Variants in DDX10 observed in about 807,000 individuals in gnomAD.
DDX10 encodes DEAD-box helicase 10.
In DDX10, 74 loss-of-function variants were observed where a neutral mutation model predicts 104.3. The observed-to-expected ratio is 0.71, with a 90% CI of 0.59 to 0.86. The LOEUF (loss-of-function observed/expected upper bound fraction) is 0.86. Among genes scored for constraint, DDX10 ranks in the 40% least tolerant of loss-of-function variants. The probability of loss-of-function intolerance (pLI) is 0.00; values close to 1 mark genes in which losing one functional copy is unlikely to be tolerated. For missense variants in DDX10, 952 were observed against 1,040.0 expected (o/e 0.92, Z 1.16); for synonymous variants, 351 against 353.4 (o/e 0.99, Z 0.08).
chr11:108,787,660 C>T (rs1002836996), intron 13 of DDX10, among the ~76,000 whole-genome samples: 2 of 152,038 alleles, frequency 1.3e-5, no homozygotes, highest in Admixed American at 6.6e-5. Flanking sequence ...GGGCTGGGTG[C>T]GATGGCTCAC....
intron 13 of DDX10, among the ~76,000 whole-genome samples, chr11:108,756,091 G>A (rs1255160507): frequency 3.3e-5 from 5 of 151,846 alleles, no homozygotes; most frequent in Non-Finnish European, 7.4e-5. Context: ...TTAGCTTCTG[G>A]CTATACTGAT....
At chr11:108,831,241 A>C (rs774665024) in intron 13 of DDX10, among the ~76,000 whole-genome samples, 15 of 151,870 alleles carry the variant, frequency 9.9e-5, no homozygotes, top group Non-Finnish European at 2.1e-4. Context: ...CCATCTCTAC[A>C]AAAAATATAA....
intron 16 of DDX10, among the ~76,000 whole-genome samples, chr11:108,852,446 A>G (rs1183248108): frequency 6.6e-6 from 1 of 152,174 alleles, no homozygotes; most frequent in Non-Finnish European, 1.5e-5. Context: ...AATCCCTAAG[A>G]TAATTTGTTA....
At chr11:108,745,326 C>G (rs1051292568) in intron 13 of DDX10, among the ~76,000 whole-genome samples, 7 of 150,998 alleles carry the variant, frequency 4.6e-5, no homozygotes, top group African/African-American at 1.7e-4. Context: ...GATCATGGCT[C>G]ACTGCAGCCT....
In DDX10 at chr11:108,835,773, G is replaced by C. The variant is rs574432785; in HGVS notation, c.1966-2673G>C. 2.0e-5 allele frequency among the ~76,000 whole-genome samples: 3 copies of C among 151,924 alleles called. No individual in the cohort carries two copies. The East Asian group carries it at 5.8e-4, about 29-fold the overall frequency. On this transcript the variant is annotated intron_variant, in intron 13 of 17. Transcript: ENST00000322536. ...CTGAGGTGAATTGGCACCCTGTGCA[G>C]ATGAAGGGATAGTCCCTGCTTGGCC...
chr11:108,673,608 C>A, intron 2 of DDX10, 81 bp downstream of exon 2: 2 of 1,073,828 alleles, frequency 1.9e-6, no homozygotes, highest in Non-Finnish European at 2.8e-6. Context: ...GAGGGTTTAG[C>A]CTGAAAAATC....
chr11:108,930,500 G>T (rs1003783171), intron 17 of DDX10, among the ~76,000 whole-genome samples: 8 of 152,018 alleles, frequency 5.3e-5, no homozygotes, highest in African/African-American at 1.4e-4. Context: ...AGCTCCTTTG[G>T]GTAAATATCA....
intron 13 of DDX10, among the ~76,000 whole-genome samples, chr11:108,726,322 G>A (rs923358081): frequency 6.6e-6 from 1 of 152,040 alleles, no homozygotes. Context: ...TCTAACTGGA[G>A]AGAATTGACA....
At chr11:108,782,227 C>G (rs942444581) in intron 13 of DDX10, among the ~76,000 whole-genome samples, 6 of 152,084 alleles carry the variant, frequency 3.9e-5, no homozygotes, top group Admixed American at 3.9e-4. Context: ...ATTGTAGTTC[C>G]CACAGGCAGT....
intron 13 of DDX10, among the ~76,000 whole-genome samples, chr11:108,801,335 G>C (rs1334135996): frequency 6.6e-6 from 1 of 152,064 alleles, no homozygotes; most frequent in East Asian, 1.9e-4. Flanking sequence ...CTATTCTGTT[G>C]GCTTGTCTTT....
intron 1 of DDX10, among the ~76,000 whole-genome samples, chr11:108,670,289 C>T (rs966161939): frequency 6.6e-6 from 1 of 151,756 alleles, no homozygotes; most frequent in Non-Finnish European, 1.5e-5. Context: ...GTTACAGGCA[C>T]AGGAGGGGGA....
At chr11:108,816,714 G>A (rs768135589) in intron 13 of DDX10, among the ~76,000 whole-genome samples, 13 of 151,938 alleles carry the variant, frequency 8.6e-5, no homozygotes, top group East Asian at 1.9e-4. Context: ...CACCAGGCCC[G>A]GCTAATTTTT....
chr11:108,841,895 C>T (rs558423090), intron 15 of DDX10, among the ~76,000 whole-genome samples: 3 of 152,216 alleles, frequency 2.0e-5, no homozygotes, highest in Non-Finnish European at 2.9e-5. Context: ...CAGCATTATT[C>T]TATGGAGACA....
At chr11:108,741,572 G>A (rs2094325267) in intron 13 of DDX10, among the ~76,000 whole-genome samples, 1 of 152,032 alleles carries the variant, frequency 6.6e-6, no homozygotes, top group African/African-American at 2.4e-5. Flanking sequence ...TGTTTTGGAC[G>A]GGATTGCATT....
rs138345098 is a variant in DDX10 at position 108,674,703 on chromosome 11, G to T, written c.248-893G>T. 2.6e-5 allele frequency among the ~76,000 whole-genome samples: 4 copies of T among 152,236 alleles called. No individual in the cohort carries two copies. In the East Asian group the frequency reaches 7.7e-4, roughly 29 times the overall value. ...TTTTTAAAAATTTTTGGTAGAGATA[G>T]AGTTTTGCCATGTTGCCCAGGCTAG... is the stretch of plus-strand genomic sequence containing the variant. On this transcript the variant is annotated intron_variant, in intron 2 of 17. Transcript: ENST00000322536.
At chr11:108,665,746 A>G (rs1451476320) in intron 1 of DDX10, among the ~76,000 whole-genome samples, 1 of 152,152 alleles carries the variant, frequency 6.6e-6, no homozygotes, top group African/African-American at 2.4e-5. Flanking sequence ...TGAGGTTCTA[A>G]GAGGAATGAA....
At chr11:108,684,279 T>C (rs1237086068) in intron 6 of DDX10, among the ~76,000 whole-genome samples, 1 of 150,350 alleles carries the variant, frequency 6.7e-6, no homozygotes, top group East Asian at 2.0e-4. Context: ...GCCATGCTGG[T>C]GCGCTGCACC....
chr11:108,794,308 A>G (rs1341695968), intron 13 of DDX10, among the ~76,000 whole-genome samples: 2 of 152,052 alleles, frequency 1.3e-5, no homozygotes, highest in East Asian at 1.9e-4. Context: ...GAATTTTCAC[A>G]TTGACAGTTA....
chr11:108,709,788 C>G lies in DDX10; in HGVS notation c.1322+2951C>G, dbSNP rs76019894. 2.5e-3 allele frequency among the ~76,000 whole-genome samples: 384 copies of G among 152,042 alleles called. 12 individuals are homozygous for G. In the East Asian group the frequency reaches 0.061, roughly 24 times the overall value. On this transcript the variant is annotated intron_variant, in intron 10 of 17. Transcript: ENST00000322536. The stretch of plus-strand genomic sequence containing the variant: ...GTTTTCAATTTCAGTCATTTCTACT[C>G]TAGTTCTTATTTATTCTGCTTGCTT...
Sources: allele counts gnomAD v4.1 joint callset (sites outside exome capture counted in the v4.1 genomes callset), GRCh38; gene constraint gnomAD v4.1.1; transcripts MANE v1.5; gene names NCBI Gene and HGNC (gene_info 2026-07-23, HGNC 2026-07-21).